The following ERN1 variants were observed in gnomAD, a reference collection of about 807,000 sequenced individuals.
ERN1 encodes the protein serine/threonine-protein kinase/endoribonuclease IRE1.
Under a neutral mutation model 113.1 loss-of-function variants are expected in ERN1, and 39 were observed. That is an observed-to-expected ratio of 0.34 (90% CI 0.27 to 0.45). ERN1 has a LOEUF of 0.45. Ranked by LOEUF, ERN1 falls within the 20% of genes least tolerant of loss-of-function variation. The probability of loss-of-function intolerance (pLI) is 1.00; values close to 1 mark genes in which losing one functional copy is unlikely to be tolerated. For synonymous variants in ERN1, 507 were observed against 515.9 expected (o/e 0.98, Z 0.23); for missense variants, 976 against 1,274.8 (o/e 0.77, Z 3.57).
intron 2 of ERN1, among the ~76,000 whole-genome samples, chr17:64,086,387 C>T (rs1174372858): frequency 6.6e-6 from 1 of 152,230 alleles, no homozygotes; most frequent in East Asian, 1.9e-4. Flanking sequence ...TCATTTGTGC[C>T]TGGCCTCTTT....
chr17:64,076,253 T>C (rs747704391), intron 4 of ERN1, among the ~76,000 whole-genome samples: 2 of 152,242 alleles, frequency 1.3e-5, no homozygotes, highest in Non-Finnish European at 2.9e-5. Flanking sequence ...TTTATAGAAA[T>C]GCCTCTACTG....
chr17:64,071,702 G>A lies in ERN1; in HGVS notation c.478+279C>T, dbSNP rs970227843. On this transcript the variant is annotated intron_variant, in intron 6 of 21. Coordinates refer to ENST00000433197, the MANE Select transcript of ERN1 (RefSeq NM_001433.5). ...CTCCCAAAGTACTGGAATTACAGGC[G>A]TGAGCCACCACGCCCGGCCAGGCAA... is the stretch of plus-strand genomic sequence containing the variant. Among the ~76,000 whole-genome samples the A allele has an allele frequency of 2.0e-5, 3 of 152,152 alleles. No homozygotes were observed. The East Asian group carries it at 5.8e-4, about 29-fold the overall frequency.
chr17:64,104,257 A>G (rs562363698), intron 1 of ERN1, among the ~76,000 whole-genome samples: 3 of 152,286 alleles, frequency 2.0e-5, no homozygotes, highest in Admixed American at 2.0e-4. Flanking sequence ...AAAACAAACA[A>G]ATAAACAAAC....
chr17:64,092,097 C>T (rs954719634), intron 2 of ERN1, among the ~76,000 whole-genome samples: 3 of 151,874 alleles, frequency 2.0e-5, no homozygotes, highest in Admixed American at 6.6e-5. Context: ...GGCTAAGGTG[C>T]GGGGGGCATG....
intron 19 of ERN1, among the ~76,000 whole-genome samples, 194 bp downstream of exon 19, chr17:64,047,664 G>A (rs1340833858): frequency 1.3e-5 from 2 of 152,114 alleles, no homozygotes; most frequent in African/African-American, 4.8e-5. Flanking sequence ...TAAAAAAAGG[G>A]ATTCTGAAAC....
chr17:64,076,642 C>T (rs966569992), intron 4 of ERN1, among the ~76,000 whole-genome samples: 5 of 151,048 alleles, frequency 3.3e-5, no homozygotes, highest in African/African-American at 1.2e-4. Flanking sequence ...CACTCTCACC[C>T]AGGCTGAAGT....
intron 3 of ERN1, 77 bp from the exon 4 acceptor site, chr17:64,079,811 C>T: frequency 8.7e-7 from 1 of 1,148,212 alleles, no homozygotes; most frequent in Non-Finnish European, 1.3e-6. Context: ...CACGCAAACC[C>T]ATGATGGAGG....
At chr17:64,070,983 C>A (rs997839189) in intron 6 of ERN1, among the ~76,000 whole-genome samples, 4 of 152,132 alleles carry the variant, frequency 2.6e-5, no homozygotes, top group South Asian at 2.1e-4. Context: ...AAAACAAAGT[C>A]GTACCCTCAG....
chr17:64,091,279 A>T (rs550008984), intron 2 of ERN1, among the ~76,000 whole-genome samples: 31 of 152,296 alleles, frequency 2.0e-4, no homozygotes, highest in African/African-American at 7.0e-4. Flanking sequence ...AAGATCAGAA[A>T]CCAGAACCGG....
chr17:64,064,975 T>G (rs898160302), intron 9 of ERN1, among the ~76,000 whole-genome samples: 1 of 152,172 alleles, frequency 6.6e-6, no homozygotes, highest in Non-Finnish European at 1.5e-5. Flanking sequence ...GAGTTTAGAT[T>G]TGATCACAAA....
At chr17:64,069,393 A>G (rs892350295) in intron 6 of ERN1, among the ~76,000 whole-genome samples, 1 of 152,210 alleles carries the variant, frequency 6.6e-6, no homozygotes, top group African/African-American at 2.4e-5. Context: ...AAGGGCTTCT[A>G]GATCCCCAAA....
At chr17:64,112,521 G>A (rs1254414345) in intron 1 of ERN1, among the ~76,000 whole-genome samples, 4 of 152,178 alleles carry the variant, frequency 2.6e-5, no homozygotes, top group Non-Finnish European at 5.9e-5. Context: ...ATAGATACTT[G>A]TTAAGTTCAG....
chr17:64,113,287 T>C (rs1174202232), intron 1 of ERN1, among the ~76,000 whole-genome samples: 2 of 152,350 alleles, frequency 1.3e-5, no homozygotes, highest in South Asian at 4.1e-4. Flanking sequence ...TGCCATTGAA[T>C]GAGATGGATC....
At chr17:64,080,409 T>C (rs1913730752) in intron 3 of ERN1, 2 of 202,112 alleles carry the variant, frequency 9.9e-6, no homozygotes, top group South Asian at 8.4e-5. Context: ...ACCAGTGCTA[T>C]CCAGCTTTTA....
intron 1 of ERN1, among the ~76,000 whole-genome samples, chr17:64,126,507 C>T (rs1031667940): frequency 2.6e-5 from 4 of 151,930 alleles, no homozygotes; most frequent in African/African-American, 7.3e-5. Context: ...GATTTATGTT[C>T]GGAAATATGG....
At chr17:64,067,880 T>A (rs1197297362) in intron 7 of ERN1, 1 of 275,154 alleles carries the variant, frequency 3.6e-6, no homozygotes, top group East Asian at 7.0e-5. Context: ...CCTATGCTGA[T>A]TTTACTTCTA....
At chr17:64,102,040 G>A (rs1176210658) in intron 1 of ERN1, among the ~76,000 whole-genome samples, 1 of 152,116 alleles carries the variant, frequency 6.6e-6, no homozygotes, top group Admixed American at 6.5e-5. Flanking sequence ...AGCACTTTGG[G>A]AGGCCGAGGT....
chr17:64,129,899 C>T (rs1915190551), intron 1 of ERN1, 77 bp downstream of exon 1: 8 of 1,276,556 alleles, frequency 6.3e-6, no homozygotes, highest in South Asian at 2.2e-5. Flanking sequence ...GACTCCAGCC[C>T]CGGCGCCGCG....
At position 64,044,346 on chromosome 17, in the gene ERN1, C is replaced by G. The variant is rs1169264329; in HGVS notation, c.2722-146G>C. The G allele has an allele frequency of 1.6e-6, 1 of 607,670 alleles. No homozygotes were observed. Among genetic ancestry groups the G allele is most frequent in the African/African-American group, 1.9e-5 (1 of 52,868 alleles). The allele number at this position is 607,670 out of a possible 1,614,324, so 37.6% of individuals were successfully genotyped here. On this transcript the variant is annotated intron_variant, in intron 21 of 21. Coordinates refer to ENST00000433197, the MANE Select transcript of ERN1 (RefSeq NM_001433.5). This position sits in a 1 kb window ranked among gnomAD's most constrained non-coding sequence, Gnocchi z 4.1. ...GAAAAAGAAAAAAGGCTTATGTATC[C>G]AAGAATCCAGCCCCGTCATCTCGCC... is the stretch of plus-strand genomic sequence containing the variant.
Sources: gnomAD v4.1 joint callset for allele counts (sites outside exome capture counted in the v4.1 genomes callset) on GRCh38, gnomAD v4.1.1 for gene constraint, Gnocchi (gnomAD v3.1) non-coding constraint, MANE v1.5 for transcripts, NCBI Gene and HGNC (gene_info 2026-07-23, HGNC 2026-07-21) for gene names.